Variants in FRMD4A observed in about 807,000 individuals in gnomAD.
FRMD4A encodes the protein FERM domain-containing protein 4A.
A neutral mutation model predicts 129.1 loss-of-function variants in FRMD4A; 29 were observed. That is an observed-to-expected ratio of 0.22 (90% CI 0.17 to 0.31). The LOEUF is 0.31. Ranked by LOEUF, FRMD4A falls within the 10% of genes least tolerant of loss-of-function variation. FRMD4A has a pLI of 1.00. For synonymous variants in FRMD4A, 634 were observed against 571.6 expected (o/e 1.11, Z -1.56); for missense variants, 1,272 against 1,375.8 (o/e 0.92, Z 1.19).
chr10:13,838,471 C>T (rs1220266601), intron 3 of FRMD4A, among the ~76,000 whole-genome samples: 1 of 150,978 alleles, frequency 6.6e-6, no homozygotes, highest in Non-Finnish European at 1.5e-5. Context: ...ATTGCTTCCT[C>T]TCTGTTCTGT....
intron 2 of FRMD4A, among the ~76,000 whole-genome samples, chr10:14,075,893 T>A (rs976822361): frequency 6.6e-6 from 1 of 152,178 alleles, no homozygotes; most frequent in Non-Finnish European, 1.5e-5. Context: ...AGGAAGAGAT[T>A]GTGTGATTGT....
At chr10:13,938,641 A>G (rs2797892) in intron 2 of FRMD4A, among the ~76,000 whole-genome samples, 83,987 of 152,048 alleles carry the variant, frequency 0.55, 23,852 homozygotes, top group African/African-American at 0.68. Context: ...ATCCTGGCAA[A>G]GCTTTATACA....
At chr10:14,133,801 G>T (rs1415215233) in intron 2 of FRMD4A, among the ~76,000 whole-genome samples, 1 of 152,188 alleles carries the variant, frequency 6.6e-6, no homozygotes, top group Non-Finnish European at 1.5e-5. Context: ...TGTATTCCCT[G>T]AGTAAAAGCC....
At chr10:13,833,760 A>T (rs1398666553) in intron 3 of FRMD4A, among the ~76,000 whole-genome samples, 3 of 152,066 alleles carry the variant, frequency 2.0e-5, no homozygotes, top group Non-Finnish European at 4.4e-5. Context: ...ATTGCAGTTA[A>T]TCATCTCAAC....
intron 2 of FRMD4A, among the ~76,000 whole-genome samples, chr10:13,981,731 T>C: frequency 2.7e-5 from 3 of 109,340 alleles, no homozygotes. Flanking sequence ...AGGGCAAGAC[T>C]CCGTGTCAAA....
At chr10:14,004,516 C>T (rs772359690) in intron 2 of FRMD4A, among the ~76,000 whole-genome samples, 10 of 151,786 alleles carry the variant, frequency 6.6e-5, no homozygotes, top group East Asian at 1.9e-4. Flanking sequence ...AACTCCAGCC[C>T]GGGCAACACA....
chr10:14,041,636 CAAAATG>C (rs1388268235), intron 2 of FRMD4A, among the ~76,000 whole-genome samples: 12 of 152,098 alleles, frequency 7.9e-5, no homozygotes, highest in African/African-American at 2.9e-4. Flanking sequence ...ATAACAGCTC[CAAAATG>C]AAAATGATCC....
In FRMD4A at chr10:13,659,447, C is replaced by T. The variant is rs200519004; in HGVS notation, c.1942G>A (p.Gly648Ser). The T allele has an allele frequency of 4.1e-5, 66 of 1,613,816 alleles. No individual in the cohort carries two copies. In the Admixed American group the frequency reaches 5.0e-4, roughly 12 times the overall value. Residue 648 changes from glycine to serine, a missense_variant, in exon 21 of 25, where the codon GGC becomes AGC. Gly to Ser is a moderately conservative substitution (Grantham distance 56). Around this residue, in one of 2 missense-constraint regions of FRMD4A, gnomAD observed 972 missense variants for 892.3 expected, o/e 1.09. Coordinates refer to ENST00000357447, the MANE Select transcript of FRMD4A (RefSeq NM_018027.5). Reference protein sequence around the residue: ...FPSTGSCAEAGGGSNSLQNSP... With the variant: ...FPSTGSCAEASGGSNSLQNSP... ...TTCTGCAAGGAGTTGCTTCCTCCGC[C>T]GGCTTCCGCACAGCTTCCTGTGCTG...
intron 2 of FRMD4A, among the ~76,000 whole-genome samples, chr10:14,090,167 G>C (rs1280955396): frequency 3.3e-5 from 5 of 152,220 alleles, no homozygotes; most frequent in African/African-American, 1.2e-4. Context: ...GAGTCTTCGG[G>C]GTGGCACTTG....
intron 2 of FRMD4A, among the ~76,000 whole-genome samples, chr10:14,294,051 T>C (rs1845931780): frequency 6.6e-6 from 1 of 152,198 alleles, no homozygotes; most frequent in Admixed American, 6.5e-5. Flanking sequence ...AATGAAATTA[T>C]TCACCCAAAA....
At chr10:13,758,751 T>C (rs1045372513) in intron 8 of FRMD4A, among the ~76,000 whole-genome samples, 1 of 152,114 alleles carries the variant, frequency 6.6e-6, no homozygotes, top group African/African-American at 2.4e-5. Context: ...CATGTGCCTA[T>C]TTTTTCCTGG....
intron 2 of FRMD4A, among the ~76,000 whole-genome samples, chr10:14,316,102 T>C (rs1846730183): frequency 6.6e-6 from 1 of 152,232 alleles, no homozygotes; most frequent in African/African-American, 2.4e-5. Context: ...ATTCCCAGCT[T>C]TAGAAGTAGA....
At chr10:14,179,772 G>A (rs1009139592) in intron 2 of FRMD4A, among the ~76,000 whole-genome samples, 5 of 152,180 alleles carry the variant, frequency 3.3e-5, no homozygotes, top group African/African-American at 1.2e-4. Flanking sequence ...GGTGGCTCAC[G>A]CCTGTAATCC....
chr10:14,140,044 G>T (rs1231664370), intron 2 of FRMD4A, among the ~76,000 whole-genome samples: 1 of 152,064 alleles, frequency 6.6e-6, no homozygotes, highest in Non-Finnish European at 1.5e-5. Flanking sequence ...GGAGGAAAAT[G>T]CATTTTATTG....
intron 4 of FRMD4A, among the ~76,000 whole-genome samples, chr10:13,803,675 G>A (rs1221665168): frequency 1.3e-5 from 2 of 152,052 alleles, no homozygotes; most frequent in Non-Finnish European, 2.9e-5. Context: ...ACCACGTTTT[G>A]TGAATCACTT....
intron 3 of FRMD4A, among the ~76,000 whole-genome samples, chr10:13,856,233 T>C (rs893591619): frequency 9.8e-6 from 1 of 101,564 alleles, no homozygotes; most frequent in African/African-American, 3.5e-5. Context: ...TGTGTGTGTG[T>C]GTGTGTGTGT....
intron 2 of FRMD4A, among the ~76,000 whole-genome samples, chr10:14,303,202 C>T (rs546302378): frequency 1.2e-4 from 18 of 152,180 alleles, no homozygotes; most frequent in Non-Finnish European, 2.6e-4. Flanking sequence ...TACCCCTTAA[C>T]CCCACAGTTC....
intron 2 of FRMD4A, among the ~76,000 whole-genome samples, chr10:13,961,676 T>C (rs1464478356): frequency 1.3e-5 from 2 of 152,182 alleles, no homozygotes; most frequent in Admixed American, 6.5e-5. Context: ...TTCTTCAACA[T>C]CACAGAAAAG....
intron 2 of FRMD4A, among the ~76,000 whole-genome samples, chr10:14,269,907 G>A (rs987291756): frequency 7.9e-5 from 12 of 152,194 alleles, no homozygotes; most frequent in African/African-American, 2.9e-4. Context: ...CATTTGATTA[G>A]AATGTTTGAG....
Sources: gnomAD v4.1 joint callset for allele counts (sites outside exome capture counted in the v4.1 genomes callset) on GRCh38, gnomAD v4.1.1 for gene constraint, gnomAD v4.1.1 regional missense constraint, MANE v1.5 for transcripts, NCBI Gene and HGNC (gene_info 2026-07-23, HGNC 2026-07-21) for gene names.